Variants in RGS6 observed in about 807,000 individuals in gnomAD.
RGS6 encodes regulator of G protein signaling 6, also known as regulator of G-protein signaling 6.
In RGS6, 30 loss-of-function variants were observed where a neutral mutation model predicts 78.5. The observed-to-expected ratio is 0.38, with a 90% confidence interval of 0.29 to 0.52. The LOEUF (loss-of-function observed/expected upper bound fraction) is 0.52. RGS6 is among the 20% of genes least tolerant of loss of function. The pLI, the probability that RGS6 is intolerant of heterozygous loss-of-function variation, is 0.85. For synonymous variants in RGS6, 206 were observed against 206.0 expected (o/e 1.00, Z 0.00); for missense variants, 495 against 609.7 (o/e 0.81, Z 1.98).
intron 2 of RGS6, among the ~76,000 whole-genome samples, chr14:72,261,590 T>C (rs1480511127): frequency 6.6e-6 from 1 of 151,610 alleles, no homozygotes; most frequent in African/African-American, 2.4e-5. Context: ...ATAATAATAA[T>C]GAGAAAAAAA....
chr14:72,528,486 T>C (rs1281087364), intron 15 of RGS6, among the ~76,000 whole-genome samples: 3 of 152,156 alleles, frequency 2.0e-5, no homozygotes, highest in Non-Finnish European at 4.4e-5. Context: ...CCCTAGAGCA[T>C]TGGTTTATCA....
the RGS6 span, among the ~76,000 whole-genome samples, chr14:72,609,102 G>C: frequency 1.3e-5 from 2 of 152,228 alleles, no homozygotes; most frequent in African/African-American, 4.8e-5. Flanking sequence ...TACGTGGGTA[G>C]TCAACATTGC....
At chr14:72,429,327 T>G (rs1046536932) in intron 3 of RGS6, among the ~76,000 whole-genome samples, 4 of 152,238 alleles carry the variant, frequency 2.6e-5, no homozygotes, top group Non-Finnish European at 4.4e-5. Context: ...CTTAACTTCA[T>G]ATGTGGCAGG....
intron 2 of RGS6, among the ~76,000 whole-genome samples, chr14:72,204,958 G>A (rs772043492): frequency 5.3e-5 from 8 of 152,190 alleles, no homozygotes; most frequent in Non-Finnish European, 1.0e-4. Flanking sequence ...TGGACTCCAG[G>A]CAGGGTTTTC....
chr14:71,987,729 C>T (rs76923257), intron 2 of RGS6, among the ~76,000 whole-genome samples: 2,927 of 152,174 alleles, frequency 0.019, 34 homozygotes, highest in Middle Eastern at 0.054. Context: ...CTGTGCTGCC[C>T]AGGCTGGGCT....
At chr14:72,447,105 G>T (rs2153223179) in intron 3 of RGS6, among the ~76,000 whole-genome samples, 1 of 152,298 alleles carries the variant, frequency 6.6e-6, no homozygotes, top group Middle Eastern at 3.4e-3. Context: ...ATCCTGTGGT[G>T]CAATGGAGAC....
intron 13 of RGS6, among the ~76,000 whole-genome samples, chr14:72,506,965 G>A (rs1284570486): frequency 6.8e-5 from 8 of 117,878 alleles, no homozygotes; most frequent in Admixed American, 2.5e-4. Flanking sequence ...TGGCTAACAC[G>A]GTGAAACCCT....
chr14:72,065,098 G>A (rs1358540728), intron 2 of RGS6, among the ~76,000 whole-genome samples: 2 of 152,084 alleles, frequency 1.3e-5, no homozygotes, highest in African/African-American at 4.8e-5. Flanking sequence ...AACATATATT[G>A]TCTAGAAGCA....
At chr14:72,120,706 A>G (rs890904397) in intron 2 of RGS6, among the ~76,000 whole-genome samples, 5 of 152,166 alleles carry the variant, frequency 3.3e-5, no homozygotes, top group Non-Finnish European at 7.4e-5. Context: ...AAGAAGCATG[A>G]CCCTTGGATT....
At chr14:72,555,690 C>T (rs1342483499) in intron 17 of RGS6, among the ~76,000 whole-genome samples, 1 of 152,234 alleles carries the variant, frequency 6.6e-6, no homozygotes, top group Non-Finnish European at 1.5e-5. Context: ...GCCATGCACT[C>T]CCAGGCAAGT....
chr14:72,275,902 T>G (rs946484751), intron 2 of RGS6, among the ~76,000 whole-genome samples: 3 of 152,176 alleles, frequency 2.0e-5, no homozygotes, highest in African/African-American at 7.2e-5. Context: ...CTGGCATCTT[T>G]CCATTAGGAA....
intron 3 of RGS6, among the ~76,000 whole-genome samples, chr14:72,409,517 A>G (rs1447466860): frequency 1.3e-5 from 2 of 151,496 alleles, no homozygotes; most frequent in Non-Finnish European, 2.9e-5. Context: ...TTTTTTTAAC[A>G]TCACTTTTAT....
At chr14:72,133,608 C>A (rs1439820817) in intron 2 of RGS6, among the ~76,000 whole-genome samples, 1 of 152,048 alleles carries the variant, frequency 6.6e-6, no homozygotes, top group Non-Finnish European at 1.5e-5. Flanking sequence ...TATACATATG[C>A]CTTTCCAAGT....
At chr14:72,518,610 A>G in intron 15 of RGS6, 73 bp downstream of exon 15, 1 of 1,379,984 alleles carries the variant, frequency 7.2e-7, no homozygotes, top group Non-Finnish European at 1.0e-6. Context: ...TATTAACACA[A>G]GTTCAAGGCA....
At chr14:72,048,620 G>A (rs1194120859) in intron 2 of RGS6, among the ~76,000 whole-genome samples, 2 of 152,128 alleles carry the variant, frequency 1.3e-5, no homozygotes, top group African/African-American at 4.8e-5. Flanking sequence ...TAAAGGCTTT[G>A]GGAGATACTA....
chr14:72,027,989 G>A (rs1407362955), intron 2 of RGS6, among the ~76,000 whole-genome samples: 3 of 152,140 alleles, frequency 2.0e-5, no homozygotes, highest in African/African-American at 2.4e-5. Context: ...CACACTCATT[G>A]TTTTCGTTTG....
chr14:72,015,452 A>G (rs1363456033), intron 2 of RGS6, among the ~76,000 whole-genome samples: 1 of 152,254 alleles, frequency 6.6e-6, no homozygotes, highest in Admixed American at 6.5e-5. Context: ...CAACTGCTCC[A>G]TAGGATTCCA....
chr14:72,549,239 G>GTTTTTTTTTTT (rs1224321539), intron 17 of RGS6, among the ~76,000 whole-genome samples: 1 of 146,464 alleles, frequency 6.8e-6, no homozygotes, highest in Non-Finnish European at 1.5e-5. Flanking sequence ...CTTCTTTTCT[G>GTTTTTTTTTTT]TTTTTTGTTT....
chr14:72,436,714 C>G (rs2094928851), intron 3 of RGS6, among the ~76,000 whole-genome samples: 1 of 152,164 alleles, frequency 6.6e-6, no homozygotes, highest in African/African-American at 2.4e-5. Context: ...ACTGACCTGT[C>G]TTACTATTAA....
Sources: gnomAD v4.1 joint callset for allele counts (sites outside exome capture counted in the v4.1 genomes callset) on GRCh38, gnomAD v4.1.1 for gene constraint, MANE v1.5 for transcripts, NCBI Gene and HGNC (gene_info 2026-07-23, HGNC 2026-07-21) for gene names.